Variants in SLC7A14 observed in about 807,000 individuals in gnomAD.
The protein encoded by SLC7A14 is gamma-aminobutyric acid transporter SLC7A14.
In SLC7A14, 37 loss-of-function variants were observed where a neutral mutation model predicts 60.2. The observed-to-expected ratio is 0.61, with a 90% CI of 0.47 to 0.81. The LOEUF is 0.81. Among genes scored for constraint, SLC7A14 ranks in the 30% least tolerant of loss-of-function variants. The pLI is 0.00. For missense variants in SLC7A14, 886 were observed against 982.7 expected (o/e 0.90, Z 1.32); for synonymous variants, 399 against 395.8 (o/e 1.01, Z -0.10).
At chr3:170,544,057 C>G (rs929830912) in intron 1 of SLC7A14, among the ~76,000 whole-genome samples, 1 of 152,024 alleles carries the variant, frequency 6.6e-6, no homozygotes, top group Non-Finnish European at 1.5e-5. Flanking sequence ...CCTGCATTTT[C>G]TATTTAGACA....
intron 4 of SLC7A14, among the ~76,000 whole-genome samples, chr3:170,492,129 A>G (rs1421304528): frequency 1.3e-5 from 2 of 152,200 alleles, no homozygotes; most frequent in South Asian, 2.1e-4. Flanking sequence ...ACGTCACTCT[A>G]TCCAGATCTC....
chr3:170,482,005 G>A (rs1389321488), intron 6 of SLC7A14, among the ~76,000 whole-genome samples: 1 of 152,182 alleles, frequency 6.6e-6, no homozygotes, highest in East Asian at 1.9e-4. Flanking sequence ...GACCTCCAGA[G>A]GATTCTGATT....
chr3:170,569,485 G>A (rs925138858), intron 1 of SLC7A14, among the ~76,000 whole-genome samples: 12 of 151,572 alleles, frequency 7.9e-5, no homozygotes, highest in Non-Finnish European at 1.5e-4. Context: ...TTTTGGTTGT[G>A]TCTCTGCCAG....
chr3:170,584,740 AGTC>A (rs1560288293), intron 1 of SLC7A14, among the ~76,000 whole-genome samples: 3 of 152,250 alleles, frequency 2.0e-5, no homozygotes, highest in African/African-American at 7.2e-5. Flanking sequence ...CCCTGCACTC[AGTC>A]GGAGGAGGAG....
At chr3:170,505,853 A>G (rs1577521461) in intron 2 of SLC7A14, among the ~76,000 whole-genome samples, 1 of 151,704 alleles carries the variant, frequency 6.6e-6, no homozygotes. Context: ...ATGCCACTGC[A>G]CTCCAGTGGG....
Position 170,483,454 on chromosome 3 carries a change from C to T in SLC7A14, c.975G>A (p.Met325Ile). Residue 325 changes from methionine to isoleucine, a missense_variant, in exon 6 of 8, where the codon ATG becomes ATA. Coordinates refer to ENST00000231706, the MANE Select transcript of SLC7A14 (RefSeq NM_020949.3). ...CAGCATAGAACCCATGAGCCACAAA[C>T]ATCTCCATGAGTGGGGATTCCGTGT... ...TIDTESPLME[M>I]FVAHGFYAAK... 6.2e-7 allele frequency: 1 copy of T among 1,614,224 alleles called. No individual in the cohort carries two copies. The highest frequency in any genetic ancestry group is 1.1e-5 in the South Asian group (1 of 91,084).
chr3:170,485,437 C>A (rs564285586), intron 5 of SLC7A14, among the ~76,000 whole-genome samples: 2 of 152,290 alleles, frequency 1.3e-5, no homozygotes, highest in East Asian at 3.9e-4. Flanking sequence ...AGTGAGTGCG[C>A]CCCTCAGGAC....
rs1715375693 is a variant in SLC7A14 at position 170,585,973 on chromosome 3, C to A, written c.-215G>T. 1 of 153,060 alleles carries A rather than the reference C, an allele frequency of 6.5e-6. No individual in the cohort carries two copies. Among genetic ancestry groups the A allele is most frequent in the Admixed American group, 6.5e-5 (1 of 15,296 alleles). 9.5% of individuals were successfully genotyped at this position (153,060 alleles called of 1,614,324 possible). A position where few individuals can be genotyped will look rare whatever the true frequency, so the allele number is the denominator to read the frequency against. ...GCTGGTGGCTGGCAGTCCGCACTTACTGCGCGGAGCTGTCTCTCTAGCTGG... is the reference window on the plus strand; with the variant it reads ...GCTGGTGGCTGGCAGTCCGCACTTAATGCGCGGAGCTGTCTCTCTAGCTGG... On this transcript the variant is annotated 5_prime_UTR_variant, in exon 1 of 8. Transcript: ENST00000231706. This position sits in a 1 kb window ranked among gnomAD's most constrained non-coding sequence, Gnocchi z 5.1.
At chr3:170,492,151 C>T (rs1480043284) in intron 4 of SLC7A14, among the ~76,000 whole-genome samples, 1 of 152,132 alleles carries the variant, frequency 6.6e-6, no homozygotes, top group Non-Finnish European at 1.5e-5. Flanking sequence ...GATCTGACCA[C>T]TGGTGTTTAT....
chr3:170,476,681 A>T (rs1711628490), intron 7 of SLC7A14: 1 of 152,252 alleles, frequency 6.6e-6, no homozygotes, highest in Non-Finnish European at 1.5e-5. Context: ...CAGGAAATAC[A>T]TGTTTCTTGT....
intron 7 of SLC7A14, among the ~76,000 whole-genome samples, chr3:170,472,505 C>T (rs1000541110): frequency 1.6e-4 from 24 of 152,080 alleles, no homozygotes; most frequent in Non-Finnish European, 7.4e-5. Flanking sequence ...GTGGCTCACG[C>T]CTGTAATCCC....
At chr3:170,561,309 C>T (rs960653221) in intron 1 of SLC7A14, among the ~76,000 whole-genome samples, 1 of 152,180 alleles carries the variant, frequency 6.6e-6, no homozygotes, top group African/African-American at 2.4e-5. Context: ...ACAGACTCCT[C>T]AGTCTGGGCA....
intron 4 of SLC7A14, among the ~76,000 whole-genome samples, chr3:170,497,339 T>C (rs1410117127): frequency 6.6e-6 from 1 of 152,204 alleles, no homozygotes; most frequent in Non-Finnish European, 1.5e-5. Context: ...ATGAACTTTG[T>C]AGTTCTGTGG....
chr3:170,504,432 T>A (rs1212999597), intron 2 of SLC7A14, among the ~76,000 whole-genome samples: 1 of 152,148 alleles, frequency 6.6e-6, no homozygotes, highest in Non-Finnish European at 1.5e-5. Flanking sequence ...GCCATTCTCC[T>A]GCCTCAGCCT....
chr3:170,502,531 G>A (rs1397003367), intron 2 of SLC7A14, among the ~76,000 whole-genome samples: 1 of 152,122 alleles, frequency 6.6e-6, no homozygotes, highest in Non-Finnish European at 1.5e-5. Context: ...TCAGACATAG[G>A]ACAGCTTGGA....
chr3:170,539,498 G>A (rs762123074), intron 1 of SLC7A14, among the ~76,000 whole-genome samples: 26 of 152,054 alleles, frequency 1.7e-4, no homozygotes, highest in Non-Finnish European at 2.9e-4. Flanking sequence ...TCTGTCTATC[G>A]TCTATGTATC....
intron 2 of SLC7A14, among the ~76,000 whole-genome samples, chr3:170,522,228 G>C (rs1713360324): frequency 6.6e-6 from 1 of 152,112 alleles, no homozygotes; most frequent in Admixed American, 6.6e-5. Flanking sequence ...AAAAAAGCTT[G>C]GCTATTTATT....
At chr3:170,527,561 G>C (rs1713551511) in intron 1 of SLC7A14, among the ~76,000 whole-genome samples, 1 of 152,202 alleles carries the variant, frequency 6.6e-6, no homozygotes, top group Non-Finnish European at 1.5e-5. Context: ...GAGGGGACAT[G>C]ATATCTACAT....
rs758541107 is a variant in SLC7A14, at chr3:170,461,415, C to G, written c.*5640G>C. 2.6e-5 allele frequency: 4 copies of G among 152,106 alleles called. No homozygotes were observed. The highest frequency in any genetic ancestry group is 5.9e-5 in the Non-Finnish European group (4 of 68,034). 9.4% of individuals were successfully genotyped at this position (152,106 alleles called of 1,614,324 possible). A position where few individuals can be genotyped will look rare whatever the true frequency, so the allele number is the denominator to read the frequency against. On this transcript the variant is annotated 3_prime_UTR_variant, in exon 8 of 8. Transcript: ENST00000231706. ...ATTTCAGAATGATGCCTGCATTACT[C>G]AAGCAGGACAAGAAGAGGAAAGCAT...
Sources: allele counts gnomAD v4.1 joint callset (sites outside exome capture counted in the v4.1 genomes callset), GRCh38; gene constraint gnomAD v4.1.1; non-coding constraint Gnocchi (gnomAD v3.1); transcripts MANE v1.5; gene names NCBI Gene and HGNC (gene_info 2026-07-23, HGNC 2026-07-21).